PHACTR3: variants seen among roughly 807,000 people sequenced by gnomAD.
The protein encoded by PHACTR3 is phosphatase and actin regulator 3.
A neutral mutation model predicts 66.8 loss-of-function variants in PHACTR3; 16 were observed. That is an observed-to-expected ratio of 0.24 (90% CI 0.16 to 0.36). PHACTR3 has a LOEUF of 0.36. Among genes scored for constraint, PHACTR3 ranks in the 10% least tolerant of loss-of-function variants. The probability of loss-of-function intolerance (pLI) is 1.00; values close to 1 mark genes in which losing one functional copy is unlikely to be tolerated. For synonymous variants in PHACTR3, 323 were observed against 292.1 expected, an observed-to-expected ratio of 1.11 and a Z score of -1.08; for missense variants, 647 against 719.9, an observed-to-expected ratio of 0.90 and a Z score of 1.16.
At chr20:59,724,107 C>T (rs777031343) in intron 1 of PHACTR3, among the ~76,000 whole-genome samples, 10 of 152,158 alleles carry the variant, frequency 6.6e-5, no homozygotes, top group African/African-American at 1.9e-4. Flanking sequence ...TCCCTGGCCA[C>T]GAGAGGTGGC....
chr20:59,739,908 G>C (rs913485805), intron 1 of PHACTR3, among the ~76,000 whole-genome samples: 3 of 152,032 alleles, frequency 2.0e-5, no homozygotes, highest in Admixed American at 6.6e-5. Flanking sequence ...GGGTGCTCAA[G>C]GTCCTGCCCT....
chr20:59,634,607 G>T (rs1262009089), intron 1 of PHACTR3, among the ~76,000 whole-genome samples: 3 of 152,064 alleles, frequency 2.0e-5, no homozygotes, highest in African/African-American at 7.2e-5. Context: ...AAAATTTCCC[G>T]GTCTAAACTG....
chr20:59,756,251 T>C (rs2039788478), intron 4 of PHACTR3, among the ~76,000 whole-genome samples: 1 of 152,168 alleles, frequency 6.6e-6, no homozygotes, highest in Admixed American at 6.5e-5. Context: ...CTTGGAATCC[T>C]GATGTCTCGT....
intron 1 of PHACTR3, among the ~76,000 whole-genome samples, chr20:59,612,658 A>G (rs1412300220): frequency 6.6e-6 from 1 of 152,232 alleles, no homozygotes; most frequent in African/African-American, 2.4e-5. Context: ...TGCTGGGATT[A>G]CAGGCGTAAG....
chr20:59,662,010 G>C (rs1253935475), intron 1 of PHACTR3, among the ~76,000 whole-genome samples: 2 of 152,136 alleles, frequency 1.3e-5, no homozygotes, highest in Non-Finnish European at 2.9e-5. Flanking sequence ...ATTCGGTGCT[G>C]CACAGGAGAC....
intron 7 of PHACTR3, among the ~76,000 whole-genome samples, chr20:59,789,921 G>A (rs1377505098): frequency 2.9e-4 from 44 of 152,186 alleles, no homozygotes; most frequent in Non-Finnish European, 5.9e-5. Context: ...CTTGCAGTTT[G>A]TGCTGGGAAA....
chr20:59,715,665 C>G (rs996725483), intron 1 of PHACTR3, among the ~76,000 whole-genome samples: 1 of 152,122 alleles, frequency 6.6e-6, no homozygotes, highest in Non-Finnish European at 1.5e-5. Context: ...TTTTTATTCT[C>G]TCTGACACTT....
chr20:59,714,429 A>G (rs1392436086), intron 1 of PHACTR3, among the ~76,000 whole-genome samples: 2 of 152,216 alleles, frequency 1.3e-5, no homozygotes, highest in East Asian at 1.9e-4. Context: ...ATCCTCCACC[A>G]TTTGGTGAAA....
At chr20:59,597,584 G>A (rs1038192944) in intron 1 of PHACTR3, among the ~76,000 whole-genome samples, 2 of 152,212 alleles carry the variant, frequency 1.3e-5, no homozygotes, top group Non-Finnish European at 2.9e-5. Context: ...CCTGATTTGG[G>A]TAGTTTCAGC....
intron 1 of PHACTR3, among the ~76,000 whole-genome samples, chr20:59,585,648 A>C (rs930700867): frequency 2.0e-5 from 3 of 152,178 alleles, no homozygotes; most frequent in African/African-American, 7.2e-5. Flanking sequence ...CGTGCCTGGC[A>C]CCTAGCAGGT....
At chr20:59,593,757 C>G (rs933220051) in intron 1 of PHACTR3, among the ~76,000 whole-genome samples, 3 of 152,124 alleles carry the variant, frequency 2.0e-5, no homozygotes, top group African/African-American at 7.2e-5. Flanking sequence ...GTTGAAAAGA[C>G]TTTCTTTTCT....
chr20:59,813,624 A>G (rs2041803571), intron 8 of PHACTR3, among the ~76,000 whole-genome samples: 1 of 152,180 alleles, frequency 6.6e-6, no homozygotes. Context: ...GACCAGCTTC[A>G]GGAGGGAGGG....
chr20:59,771,058 A>C (rs2040342199), intron 5 of PHACTR3, among the ~76,000 whole-genome samples: 1 of 152,202 alleles, frequency 6.6e-6, no homozygotes, highest in African/African-American at 2.4e-5. Flanking sequence ...GGGGCGAGCC[A>C]GGCAAAGCTC....
intron 7 of PHACTR3, among the ~76,000 whole-genome samples, chr20:59,779,437 T>C (rs1454739114): frequency 2.0e-5 from 3 of 152,168 alleles, no homozygotes; most frequent in Non-Finnish European, 4.4e-5. Context: ...TGAATAATGG[T>C]TGTTATTTGC....
At chr20:59,805,435 A>C (rs1049084246) in intron 7 of PHACTR3, among the ~76,000 whole-genome samples, 1 of 152,176 alleles carries the variant, frequency 6.6e-6, no homozygotes, top group South Asian at 2.1e-4. Context: ...AACTGAAAAG[A>C]TATCAGTTGG....
intron 1 of PHACTR3, among the ~76,000 whole-genome samples, chr20:59,697,427 C>T (rs1299599866): frequency 2.0e-5 from 3 of 152,204 alleles, no homozygotes; most frequent in African/African-American, 4.8e-5. Flanking sequence ...TATCCCCATC[C>T]TTGCAGGCAG....
intron 1 of PHACTR3, among the ~76,000 whole-genome samples, chr20:59,730,899 TG>T (rs1206922918): frequency 6.6e-6 from 1 of 152,166 alleles, no homozygotes; most frequent in Non-Finnish European, 1.5e-5. Flanking sequence ...TTTTATTATT[TG>T]GCCCCTTACA....
At chr20:59,766,988 C>T (rs887224758) in intron 4 of PHACTR3, among the ~76,000 whole-genome samples, 198 bp from the exon 5 acceptor site, 2 of 152,156 alleles carry the variant, frequency 1.3e-5, no homozygotes, top group African/African-American at 4.8e-5. Context: ...AAATGACTTC[C>T]CTCTCTCCAT....
intron 1 of PHACTR3, among the ~76,000 whole-genome samples, chr20:59,584,035 G>A (rs1394128905): frequency 2.6e-5 from 4 of 152,234 alleles, no homozygotes; most frequent in African/African-American, 7.2e-5. Context: ...CCTGCACCAG[G>A]CATTTTAGTG....
Sources: gnomAD v4.1 joint callset for allele counts (sites outside exome capture counted in the v4.1 genomes callset) on GRCh38, gnomAD v4.1.1 for gene constraint, MANE v1.5 for transcripts, NCBI Gene and HGNC (gene_info 2026-07-23, HGNC 2026-07-21) for gene names.